Variants in SOCS6 observed in about 807,000 individuals in gnomAD.
SOCS6 encodes the protein STAT induced STAT inhibitor-4.
Under a neutral mutation model 27.7 loss-of-function variants are expected in SOCS6, and 5 were observed. The ratio of observed to expected loss-of-function variants is 0.18; its 90% CI spans 0.09 to 0.38. SOCS6 has a LOEUF of 0.38. Ranked by LOEUF, SOCS6 falls within the 10% of genes least tolerant of loss-of-function variation. SOCS6 has a pLI of 1.00. For missense variants in SOCS6, 595 were observed against 688.1 expected, an observed-to-expected ratio of 0.86 and a Z score of 1.51; for synonymous variants, 271 against 260.0, an observed-to-expected ratio of 1.04 and a Z score of -0.41.
chr18:70,329,668 A>G lies in SOCS6; in HGVS notation c.*3392A>G, dbSNP rs187968494. 6.0e-6 allele frequency: 1 copy of G among 167,240 alleles called. No homozygotes were observed. Among genetic ancestry groups the G allele is most frequent in the East Asian group, 1.9e-4 (1 of 5,198 alleles). 10.4% of individuals were successfully genotyped at this position (167,240 alleles called of 1,614,324 possible). ...AATAGACAGTTTTCTTGAAAACTCT[A>G]ATAAGGAACAATAGCCAGTTCCGTA... On this transcript the variant is annotated 3_prime_UTR_variant, in exon 2 of 2. Transcript: ENST00000397942.
At chr18:70,299,455 G>A (rs548653304) in intron 1 of SOCS6, among the ~76,000 whole-genome samples, 106 of 152,308 alleles carry the variant, frequency 7.0e-4, no homozygotes, top group South Asian at 1.2e-3. Context: ...CTCCTGCCCA[G>A]CTCACCCTTG....
At chr18:70,316,899 TAC>T (rs2062413694) in intron 1 of SOCS6, among the ~76,000 whole-genome samples, 1 of 152,238 alleles carries the variant, frequency 6.6e-6, no homozygotes, top group Admixed American at 6.5e-5. Flanking sequence ...GTCTAAATGA[TAC>T]ACTCTATATC....
chr18:70,300,691 A>G (rs909522217), intron 1 of SOCS6, among the ~76,000 whole-genome samples: 7 of 152,176 alleles, frequency 4.6e-5, no homozygotes, highest in African/African-American at 1.7e-4. Context: ...ATGGAGATTC[A>G]CTTAGTATCC....
At chr18:70,317,125 G>C (rs1434702610) in intron 1 of SOCS6, among the ~76,000 whole-genome samples, 2 of 152,116 alleles carry the variant, frequency 1.3e-5, no homozygotes, top group African/African-American at 2.4e-5. Context: ...CTTTAGTGGT[G>C]ATTTCTGAGA....
chr18:70,293,888 C>T (rs376392834), intron 1 of SOCS6, among the ~76,000 whole-genome samples: 5 of 151,984 alleles, frequency 3.3e-5, no homozygotes, highest in South Asian at 4.1e-4. Flanking sequence ...GTCAGGAGTT[C>T]GAGACCAGCC....
At chr18:70,304,538 C>G (rs918924040) in intron 1 of SOCS6, among the ~76,000 whole-genome samples, 1 of 152,188 alleles carries the variant, frequency 6.6e-6, no homozygotes, top group African/African-American at 2.4e-5. Context: ...TTTTGAATGA[C>G]TAATACTATT....
rs1045287391 is a variant in SOCS6 at position 70,328,035 on chromosome 18, C to T, written c.*1759C>T. The T allele has an allele frequency of 1.2e-5, 2 of 166,814 alleles. No homozygotes were observed. The highest frequency in any genetic ancestry group is 4.8e-5 in the African/African-American group (2 of 41,380). The allele number at this position is 166,814 out of a possible 1,614,324, so 10.3% of individuals were successfully genotyped here. A position where few individuals can be genotyped will look rare whatever the true frequency, so the allele number is the denominator to read the frequency against. Reference sequence around the variant, plus strand: ...TAATTTTGGTGGGATGTTGATTGTACCTTGTTAAAAAGACTCTCATTTTCT... The same window carrying T: ...TAATTTTGGTGGGATGTTGATTGTATCTTGTTAAAAAGACTCTCATTTTCT... On this transcript the variant is annotated 3_prime_UTR_variant, in exon 2 of 2. Coordinates refer to ENST00000397942, the MANE Select transcript of SOCS6 (RefSeq NM_004232.4).
At chr18:70,292,544 T>G (rs1173448062) in intron 1 of SOCS6, among the ~76,000 whole-genome samples, 1 of 152,142 alleles carries the variant, frequency 6.6e-6, no homozygotes, top group Non-Finnish European at 1.5e-5. Flanking sequence ...AGATGGGGTT[T>G]CCTTATGTTG....
intron 1 of SOCS6, among the ~76,000 whole-genome samples, chr18:70,316,402 A>G (rs2062411690): frequency 6.6e-6 from 1 of 152,188 alleles, no homozygotes; most frequent in Non-Finnish European, 1.5e-5. Context: ...TTTTTAGGGT[A>G]CAGAATCCCA....
At position 70,325,537 on chromosome 18, in the gene SOCS6, T is replaced by G. The variant is rs754391582; in HGVS notation, c.869T>G (p.Ile290Ser). 6.2e-7 allele frequency: 1 copy of G among 1,614,116 alleles called. No homozygotes were observed. The highest frequency in any genetic ancestry group is 8.5e-7 in the Non-Finnish European group (1 of 1,180,028). The change falls in exon 2 of 2, where the codon ATT (isoleucine) becomes AGT (serine). Residue 290 changes from isoleucine (I) to serine (S), a missense_variant. This residue lies in a region of SOCS6 where 467 missense variants were observed against 481.1 expected (regional missense o/e 0.97). Coordinates refer to ENST00000397942, the MANE Select transcript of SOCS6 (RefSeq NM_004232.4). The surrounding 1 kb of genome is among the most constrained non-coding windows in gnomAD (Gnocchi z 6.3). The part of the protein sequence containing the change: ...FVDQSVNGLL[I>S]GTTGVMLQSP... ...GATCAGTCCGTGAATGGCTTGTTGA[T>G]TGGCACCACGGGAGTCATGTTGCAG...
chr18:70,296,368 A>G (rs1469647871), intron 1 of SOCS6, among the ~76,000 whole-genome samples: 1 of 152,210 alleles, frequency 6.6e-6, no homozygotes, highest in East Asian at 1.9e-4. Context: ...GCTTTCACAA[A>G]GTCTGCTGTG....
chr18:70,303,119 G>A, intron 1 of SOCS6, among the ~76,000 whole-genome samples: 1 of 152,310 alleles, frequency 6.6e-6, no homozygotes, highest in Non-Finnish European at 1.5e-5. Context: ...CAGTTCTGCT[G>A]TACTTTGTGG....
chr18:70,308,380 G>T (rs9963135), intron 1 of SOCS6, among the ~76,000 whole-genome samples: 3,552 of 152,018 alleles, frequency 0.023, 151 homozygotes, highest in African/African-American at 0.081. Flanking sequence ...ACCATACCTG[G>T]CTAATTTTTT....
At chr18:70,298,446 A>AACTATAT (rs1308426926) in intron 1 of SOCS6, among the ~76,000 whole-genome samples, 1 of 152,198 alleles carries the variant, frequency 6.6e-6, no homozygotes, top group Non-Finnish European at 1.5e-5. Flanking sequence ...GTATTAAAAG[A>AACTATAT]ACTATATATA....
chr18:70,320,217 G>A (rs1384431511), intron 1 of SOCS6, among the ~76,000 whole-genome samples: 1 of 152,064 alleles, frequency 6.6e-6, no homozygotes, highest in Non-Finnish European at 1.5e-5. Context: ...TCGAACTCCT[G>A]GCCTCAAGTG....
At chr18:70,314,525 A>G (rs528574156) in intron 1 of SOCS6, among the ~76,000 whole-genome samples, 2 of 152,312 alleles carry the variant, frequency 1.3e-5, no homozygotes, top group East Asian at 1.9e-4. Context: ...GAACAGTAAC[A>G]TGCTTTACAG....
chr18:70,321,387 C>CT (rs1356987254), intron 1 of SOCS6, among the ~76,000 whole-genome samples: 1 of 124,966 alleles, frequency 8.0e-6, no homozygotes, highest in Non-Finnish European at 1.6e-5. Context: ...GTGGCGCAAT[C>CT]TTGGCTCACT....
At chr18:70,299,424 T>G (rs1165539993) in intron 1 of SOCS6, among the ~76,000 whole-genome samples, 2 of 152,222 alleles carry the variant, frequency 1.3e-5, no homozygotes, top group African/African-American at 4.8e-5. Flanking sequence ...ACGTGGAGTT[T>G]CTGTGCCCTC....
At chr18:70,317,566 C>CATAT (rs2062418088) in intron 1 of SOCS6, among the ~76,000 whole-genome samples, 1 of 145,690 alleles carries the variant, frequency 6.9e-6, no homozygotes, top group Non-Finnish European at 1.5e-5. Flanking sequence ...CACACACACA[C>CATAT]ACACACACAC....
Sources: gnomAD v4.1 joint callset for allele counts (sites outside exome capture counted in the v4.1 genomes callset) on GRCh38, gnomAD v4.1.1 for gene constraint, gnomAD v4.1.1 regional missense constraint, Gnocchi (gnomAD v3.1) non-coding constraint, MANE v1.5 for transcripts, NCBI Gene and HGNC (gene_info 2026-07-23, HGNC 2026-07-21) for gene names.